The following PRKG1 variants were observed in gnomAD, a reference collection of about 807,000 sequenced individuals.
The protein encoded by PRKG1 is cGMP-dependent protein kinase 1.
A neutral mutation model predicts 88.1 loss-of-function variants in PRKG1; 35 were observed. The observed-to-expected ratio is 0.40, with a 90% CI of 0.30 to 0.53. The LOEUF (loss-of-function observed/expected upper bound fraction) is 0.53, where lower values mean the gene tolerates loss of function less well. PRKG1 is among the 20% of genes least tolerant of loss of function. The probability of loss-of-function intolerance (pLI) is 0.59; values close to 1 mark genes in which losing one functional copy is unlikely to be tolerated. For synonymous variants in PRKG1, 303 were observed against 292.5 expected, an observed-to-expected ratio of 1.04 and a Z score of -0.37; for missense variants, 540 against 839.8, an observed-to-expected ratio of 0.64 and a Z score of 4.41.
At chr10:52,110,699 G>A (rs1431291591) in intron 7 of PRKG1, among the ~76,000 whole-genome samples, 1 of 152,128 alleles carries the variant, frequency 6.6e-6, no homozygotes, top group Non-Finnish European at 1.5e-5. Context: ...TTAGTTGCAT[G>A]CAACATAGTA....
chr10:51,927,410 C>T lies in PRKG1; in HGVS notation c.762+19840C>T, dbSNP rs11000164. 7.5e-3 allele frequency among the ~76,000 whole-genome samples: 1,148 copies of T among 152,266 alleles called. 19 individuals are homozygous for T. The highest frequency in any genetic ancestry group is 0.025 in the African/African-American group (1,056 of 41,552). ...CTGTGAGTCCATTAACCTAAAACCT[C>T]TTTTTCTTTATAAATTACCCAGTCT... On this transcript the variant is annotated intron_variant, in intron 5 of 17. Coordinates refer to ENST00000373980, the MANE Select transcript of PRKG1 (RefSeq NM_006258.4).
At chr10:51,131,698 G>A (rs1401343973) in intron 1 of PRKG1, among the ~76,000 whole-genome samples, 7 of 152,200 alleles carry the variant, frequency 4.6e-5, no homozygotes, top group African/African-American at 1.7e-4. Context: ...CAAGTTGTTT[G>A]TCTCCTAGTG....
At chr10:51,730,631 A>T (rs949552183) in intron 3 of PRKG1, among the ~76,000 whole-genome samples, 5 of 152,188 alleles carry the variant, frequency 3.3e-5, no homozygotes, top group African/African-American at 1.2e-4. Context: ...TTTATGTTGC[A>T]ATCTATCAAA....
chr10:51,682,793 T>C (rs1233883435), intron 3 of PRKG1, among the ~76,000 whole-genome samples: 1 of 152,156 alleles, frequency 6.6e-6, no homozygotes, highest in Non-Finnish European at 1.5e-5. Flanking sequence ...GAGATTGAGC[T>C]CTTTACTATA....
chr10:52,133,809 T>G (rs1288112289), intron 7 of PRKG1, 31 bp from the exon 8 acceptor site: 1 of 1,589,224 alleles, frequency 6.3e-7, no homozygotes, highest in South Asian at 1.1e-5. Flanking sequence ...TTAAAGGTTA[T>G]TTTATTTGAA....
At chr10:52,131,771 G>A (rs1249980127) in intron 7 of PRKG1, among the ~76,000 whole-genome samples, 5 of 131,208 alleles carry the variant, frequency 3.8e-5, no homozygotes, top group East Asian at 2.4e-4. Context: ...GCAGTGAGCC[G>A]AGTGCTACTG....
chr10:52,134,819 A>G (rs1837361094), intron 8 of PRKG1, among the ~76,000 whole-genome samples: 1 of 152,134 alleles, frequency 6.6e-6, no homozygotes, highest in South Asian at 2.1e-4. Context: ...CCTGATTTAC[A>G]AACCTCACTT....
At chr10:52,126,203 G>T (rs547636719) in intron 7 of PRKG1, among the ~76,000 whole-genome samples, 22 of 152,034 alleles carry the variant, frequency 1.4e-4, no homozygotes, top group South Asian at 1.0e-3. Context: ...AGGGCTACTG[G>T]GTATGTTTGT....
At chr10:51,379,260 A>G (rs964661490) in intron 2 of PRKG1, among the ~76,000 whole-genome samples, 3 of 152,198 alleles carry the variant, frequency 2.0e-5, no homozygotes, top group African/African-American at 7.2e-5. Context: ...GAAGAGGAGG[A>G]GAAAAGCTAA....
intron 3 of PRKG1, chr10:51,699,391 C>A: frequency 6.2e-7 from 1 of 1,614,088 alleles, no homozygotes; most frequent in South Asian, 1.1e-5. Flanking sequence ...TGGGTTTTCC[C>A]GTCTCTCTAT....
Position 51,606,515 on chromosome 10 carries a change from T to A in PRKG1, c.592+138679T>A, listed in dbSNP as rs115530154. 6.9e-3 allele frequency among the ~76,000 whole-genome samples: 1,053 copies of A among 152,282 alleles called. 11 individuals are homozygous for A. The highest frequency in any genetic ancestry group is 0.022 in the African/African-American group (903 of 41,568). On this transcript the variant is annotated intron_variant, in intron 3 of 17. Transcript: ENST00000373980. ...CAATTGAAGACAGAGTAATTATACA[T>A]GTCATATCCAGTAAAGAATTAATGG...
chr10:51,095,952 G>T (rs1420299774), intron 1 of PRKG1, among the ~76,000 whole-genome samples: 1 of 152,096 alleles, frequency 6.6e-6, no homozygotes, highest in Non-Finnish European at 1.5e-5. Context: ...TTTACCTCTT[G>T]TTTCAGAGAT....
chr10:52,072,967 T>C (rs886930523), intron 7 of PRKG1, among the ~76,000 whole-genome samples: 1 of 152,208 alleles, frequency 6.6e-6, no homozygotes, highest in Admixed American at 6.5e-5. Flanking sequence ...AGCAATTTAT[T>C]CTTTCACAGG....
At chr10:51,910,958 T>A (rs764967394) in intron 5 of PRKG1, 31 of 152,202 alleles carry the variant, frequency 2.0e-4, no homozygotes, top group Non-Finnish European at 3.8e-4. Context: ...CTTTTGTCTC[T>A]AGGTACTGAC....
intron 9 of PRKG1, among the ~76,000 whole-genome samples, chr10:52,171,083 T>C (rs1436603939): frequency 6.6e-6 from 1 of 151,972 alleles, no homozygotes; most frequent in Admixed American, 6.6e-5. Context: ...GGGTTGCTGT[T>C]TTGAACATGC....
intron 1 of PRKG1, among the ~76,000 whole-genome samples, chr10:51,083,320 T>G (rs1207431241): frequency 6.6e-6 from 1 of 152,100 alleles, no homozygotes; most frequent in Admixed American, 6.5e-5. Context: ...TCATCCCAAG[T>G]TTTTTGTTTG....
At chr10:51,804,146 T>A (rs957900809) in intron 3 of PRKG1, among the ~76,000 whole-genome samples, 4 of 152,158 alleles carry the variant, frequency 2.6e-5, no homozygotes, top group African/African-American at 9.7e-5. Context: ...AAAATTGAAA[T>A]TTTACTTCTA....
chr10:51,299,793 T>C, intron 2 of PRKG1: 1 of 330,586 alleles, frequency 3.0e-6, no homozygotes, highest in Non-Finnish European at 5.8e-6. Flanking sequence ...TCTGCAATAA[T>C]AGAAATTCAA....
chr10:51,691,340 C>A (rs1841137613), intron 3 of PRKG1, among the ~76,000 whole-genome samples: 1 of 144,336 alleles, frequency 6.9e-6, no homozygotes. Context: ...TAAGGTCTTG[C>A]TCTGTCACCC....
Sources: allele counts gnomAD v4.1 joint callset (sites outside exome capture counted in the v4.1 genomes callset), GRCh38; gene constraint gnomAD v4.1.1; transcripts MANE v1.5; gene names NCBI Gene and HGNC (gene_info 2026-07-23, HGNC 2026-07-21).